Variants in ZNF131 observed in about 807,000 individuals in gnomAD.
ZNF131 encodes zinc finger protein 131.
ZNF131 carries 7 observed loss-of-function variants against 60.0 expected under a neutral mutation model. That is an observed-to-expected ratio of 0.12 (90% CI 0.07 to 0.22). The LOEUF (loss-of-function observed/expected upper bound fraction) is 0.22, where lower values mean the gene tolerates loss of function less well. Among genes scored for constraint, ZNF131 ranks in the 10% least tolerant of loss-of-function variants. ZNF131 has a pLI of 1.00. For missense variants in ZNF131, 493 were observed against 740.9 expected (o/e 0.67, Z 3.88); for synonymous variants, 257 against 253.2 (o/e 1.01, Z -0.14).
Position 43,139,310 on chromosome 5 carries a change from GTACT to G in ZNF131, c.371+4_371+7del, listed in dbSNP as rs1479214312. On this transcript the variant is annotated splice_donor_variant and splice_donor_5th_base_variant and intron_variant, in intron 4 of 6. Coordinates refer to ENST00000682664, the MANE Select transcript of ZNF131 (RefSeq NM_001330707.2). LOFTEE classifies it high-confidence loss of function. The stretch of plus-strand genomic sequence containing the variant: ...AAGCTATCAAAGCCCTTGAAGTCAG[GTACT>G]TAATTTCTTTAATGGGGTTCAGATA... The G allele has an allele frequency of 6.3e-7, 1 of 1,598,012 alleles. No individual in the cohort carries two copies. The highest frequency in any genetic ancestry group is 2.3e-5 in the East Asian group (1 of 44,278).
chr5:43,137,168 G>A (rs1240008765), intron 3 of ZNF131, among the ~76,000 whole-genome samples: 1 of 152,150 alleles, frequency 6.6e-6, no homozygotes, highest in South Asian at 2.1e-4. Context: ...TCGTGGATGT[G>A]ACGTCAAAAG....
intron 5 of ZNF131, among the ~76,000 whole-genome samples, chr5:43,168,190 C>T (rs541063566): frequency 1.4e-3 from 215 of 152,350 alleles, no homozygotes; most frequent in African/African-American, 5.1e-3. Flanking sequence ...AAGGTCCTAC[C>T]TCTCAATACT....
In ZNF131 at chr5:43,175,149, T is replaced by C; in HGVS notation, c.*16T>C. 3 of 1,581,592 alleles carry C rather than the reference T, an allele frequency of 1.9e-6. No individual in the cohort carries two copies. The highest frequency in any genetic ancestry group is 2.6e-6 in the Non-Finnish European group (3 of 1,165,774). On this transcript the variant is annotated 3_prime_UTR_variant, in exon 7 of 7. Coordinates refer to ENST00000682664, the MANE Select transcript of ZNF131 (RefSeq NM_001330707.2). The stretch of plus-strand genomic sequence containing the variant: ...TTTAGAATGAAATTACACATGAATA[T>C]ATTTTTAAATTTACTTGTTGGGTTT...
At chr5:43,167,250 T>C (rs1750480853) in intron 5 of ZNF131, among the ~76,000 whole-genome samples, 1 of 152,220 alleles carries the variant, frequency 6.6e-6, no homozygotes, top group African/African-American at 2.4e-5. Flanking sequence ...TTTGAAATAT[T>C]GCAGTAATTA....
At chr5:43,172,761 G>A (rs1165680605) in intron 5 of ZNF131, among the ~76,000 whole-genome samples, 5 of 151,696 alleles carry the variant, frequency 3.3e-5, no homozygotes, top group African/African-American at 4.9e-5. Flanking sequence ...ATTCCAGGCC[G>A]AATTGACCCC....
intron 3 of ZNF131, among the ~76,000 whole-genome samples, chr5:43,137,419 TG>T (rs767740346): frequency 1.3e-5 from 2 of 152,116 alleles, no homozygotes; most frequent in South Asian, 2.1e-4. Flanking sequence ...AAATTAAAAA[TG>T]TTTTTTTAAA....
At chr5:43,171,508 A>G (rs1750990015) in intron 5 of ZNF131, among the ~76,000 whole-genome samples, 1 of 152,178 alleles carries the variant, frequency 6.6e-6, no homozygotes, top group African/African-American at 2.4e-5. Flanking sequence ...CTCTGAGCTG[A>G]GATCATGCCA....
rs144360397 is a variant in ZNF131, at chr5:43,129,626, G to A, written c.226+6316G>A. ...CCCATGTTAGCTGAGATCAAATTTTGCTGCCAGATTTATGGAGAAACTTCT... is the reference window on the plus strand; with the variant it reads ...CCCATGTTAGCTGAGATCAAATTTTACTGCCAGATTTATGGAGAAACTTCT... On this transcript the variant is annotated intron_variant, in intron 3 of 6. Coordinates refer to ENST00000682664, the MANE Select transcript of ZNF131 (RefSeq NM_001330707.2). Among the ~76,000 whole-genome samples the A allele has an allele frequency of 2.9e-3, 439 of 152,154 alleles. 6 individuals carry two copies. The highest frequency in any genetic ancestry group is 1.0e-2 in the African/African-American group (414 of 41,532).
chr5:43,169,307 GTTTCTA>G (rs928255537), intron 5 of ZNF131, among the ~76,000 whole-genome samples: 4 of 152,092 alleles, frequency 2.6e-5, no homozygotes, highest in Admixed American at 6.5e-5. Context: ...TAATTAATAT[GTTTCTA>G]TTTCTACATT....
At chr5:43,167,005 T>C (rs910910224) in intron 5 of ZNF131, among the ~76,000 whole-genome samples, 1 of 152,212 alleles carries the variant, frequency 6.6e-6, no homozygotes, top group Non-Finnish European at 1.5e-5. Context: ...TGTAAGGTTA[T>C]TAATTGATCT....
chr5:43,151,060 T>TA lies in ZNF131; in HGVS notation c.372-10188dup, dbSNP rs146739339. ...TAAGTATAGCAAGATGCTTTACAAT[T>TA]ATACAGGCTCCACATTGTCCCATAG... On this transcript the variant is annotated intron_variant, in intron 4 of 6. Transcript: ENST00000682664. Among the ~76,000 whole-genome samples the TA allele has an allele frequency of 2.3e-3, 344 of 152,308 alleles. 12 individuals are homozygous for TA. In the East Asian group the frequency reaches 0.041, roughly 18 times the overall value.
intron 4 of ZNF131, among the ~76,000 whole-genome samples, chr5:43,153,018 C>A (rs999159394): frequency 6.6e-6 from 1 of 152,128 alleles, no homozygotes; most frequent in Non-Finnish European, 1.5e-5. Context: ...TCCAGTCATC[C>A]CCTCCTCTTA....
At chr5:43,157,321 A>G (rs1215518211) in intron 4 of ZNF131, among the ~76,000 whole-genome samples, 2 of 152,182 alleles carry the variant, frequency 1.3e-5, no homozygotes, top group Non-Finnish European at 2.9e-5. Flanking sequence ...GAACCGTCCA[A>G]AGCTGTGACT....
intron 4 of ZNF131, among the ~76,000 whole-genome samples, chr5:43,148,982 A>T (rs1747963562): frequency 6.6e-6 from 1 of 152,136 alleles, no homozygotes. Flanking sequence ...ACTTGCCATA[A>T]TTATTTTGAA....
intron 5 of ZNF131, among the ~76,000 whole-genome samples, chr5:43,169,530 G>A (rs1234261077): frequency 1.3e-5 from 2 of 152,150 alleles, no homozygotes; most frequent in Non-Finnish European, 2.9e-5. Context: ...GCGGTAGTAC[G>A]GCATTATGCC....
At chr5:43,153,320 A>G (rs1034810146) in intron 4 of ZNF131, among the ~76,000 whole-genome samples, 8 of 151,902 alleles carry the variant, frequency 5.3e-5, no homozygotes, top group African/African-American at 1.9e-4. Context: ...GGGAAAAGAA[A>G]ATGTTTAAGA....
chr5:43,128,056 C>T (rs766822014), intron 3 of ZNF131, among the ~76,000 whole-genome samples: 11 of 152,196 alleles, frequency 7.2e-5, no homozygotes, highest in Non-Finnish European at 1.3e-4. Flanking sequence ...AGTAATGCCA[C>T]AATGCTGCTC....
chr5:43,171,845 CCTG>C (rs1467387183), intron 5 of ZNF131, among the ~76,000 whole-genome samples: 2 of 152,116 alleles, frequency 1.3e-5, no homozygotes, highest in Admixed American at 6.6e-5. Flanking sequence ...GTCTTGAACT[CCTG>C]ACCTCAAGTG....
At chr5:43,164,825 A>G (rs1028483670) in intron 5 of ZNF131, among the ~76,000 whole-genome samples, 1 of 152,232 alleles carries the variant, frequency 6.6e-6, no homozygotes, top group African/African-American at 2.4e-5. Flanking sequence ...TTACTGAACC[A>G]TATACCCATT....
Sources: allele counts gnomAD v4.1 joint callset (sites outside exome capture counted in the v4.1 genomes callset), GRCh38; gene constraint gnomAD v4.1.1; transcripts MANE v1.5; gene names NCBI Gene and HGNC (gene_info 2026-07-23, HGNC 2026-07-21).